SRGAP2C: variants seen among roughly 807,000 people sequenced by gnomAD.
SRGAP2C encodes SLIT-ROBO Rho GTPase-activating protein 2C.
A neutral mutation model predicts 25.1 loss-of-function variants in SRGAP2C; 15 were observed. The observed-to-expected ratio is 0.60, with a 90% CI of 0.40 to 0.92. SRGAP2C has a LOEUF of 0.92. SRGAP2C is among the 40% of genes least tolerant of loss of function. The probability of loss-of-function intolerance (pLI) is 0.00; values close to 1 mark genes in which losing one functional copy is unlikely to be tolerated. For missense variants in SRGAP2C, 144 were observed against 264.4 expected (o/e 0.54, Z 3.16); for synonymous variants, 44 against 96.6 (o/e 0.46, Z 3.19).
At chr1:121,329,572 A>T (rs1258254408) in intron 4 of SRGAP2C, among the ~76,000 whole-genome samples, 5 of 141,562 alleles carry the variant, frequency 3.5e-5, no homozygotes, top group Non-Finnish European at 6.1e-5. Context: ...TGCCCCCTGT[A>T]AGAGGGAAAC....
rs1164302475 is a variant in SRGAP2C, at chr1:121,282,779, C to T, written c.68-2024C>T. On this transcript the variant is annotated intron_variant, in intron 2 of 9. Coordinates refer to ENST00000367123, the MANE Select transcript of SRGAP2C (RefSeq NM_001329984.2). ...TTCACCATGTTAGCCAGGATGGTCT[C>T]GATCTTCTGACCTTGTGATCCGCCC... 1.6e-3 allele frequency among the ~76,000 whole-genome samples: 226 copies of T among 143,632 alleles called. 4 individuals are homozygous for T. Among genetic ancestry groups the T allele is most frequent in the Non-Finnish European group, 5.9e-4 (38 of 64,930 alleles). The allele number at this position is 143,632 out of a possible 152,430, so 94.2% of individuals were successfully genotyped here.
chr1:121,187,929 C>T (rs1295007492), intron 2 of SRGAP2C, among the ~76,000 whole-genome samples: 1 of 152,150 alleles, frequency 6.6e-6, no homozygotes, highest in South Asian at 2.1e-4. Flanking sequence ...GACAGAAAGG[C>T]AACCTTGGGA....
intron 2 of SRGAP2C, among the ~76,000 whole-genome samples, chr1:121,210,062 T>C (rs1322228445): frequency 2.6e-5 from 4 of 151,526 alleles, no homozygotes; most frequent in African/African-American, 7.3e-5. Context: ...TGTTGATAGT[T>C]TGGAGAACGA....
At chr1:121,202,104 T>G (rs1553321778) in intron 2 of SRGAP2C, among the ~76,000 whole-genome samples, 1 of 152,228 alleles carries the variant, frequency 6.6e-6, no homozygotes, top group Non-Finnish European at 1.5e-5. Flanking sequence ...CTTGTTCCAG[T>G]GACCCAATCT....
At chr1:121,380,846 TAGTA>T (rs1345362823) in intron 7 of SRGAP2C, among the ~76,000 whole-genome samples, 2 of 150,300 alleles carry the variant, frequency 1.3e-5, no homozygotes, top group African/African-American at 4.9e-5. Context: ...GGGGTAGAGG[TAGTA>T]AGAATGGAGA....
chr1:121,300,225 G>C (rs1296858158), intron 3 of SRGAP2C, among the ~76,000 whole-genome samples: 36 of 85,104 alleles, frequency 4.2e-4, no homozygotes, highest in African/African-American at 1.6e-3. Context: ...ACAGAAAAAA[G>C]GTTTGATTGG....
At chr1:121,314,391 G>T (rs1202788284) in intron 3 of SRGAP2C, among the ~76,000 whole-genome samples, 3 of 152,054 alleles carry the variant, frequency 2.0e-5, no homozygotes, top group African/African-American at 7.3e-5. Context: ...GTAGCTCAGA[G>T]TAATTTGATC....
At chr1:121,239,339 A>C (rs868955195) in intron 2 of SRGAP2C, among the ~76,000 whole-genome samples, 3 of 29,546 alleles carry the variant, frequency 1.0e-4, no homozygotes, top group South Asian at 1.9e-3. Context: ...GTGATAAGTA[A>C]TTTGAAAAAA....
At chr1:121,237,251 GAA>G (rs2101482657) in intron 2 of SRGAP2C, among the ~76,000 whole-genome samples, 2 of 143,270 alleles carry the variant, frequency 1.4e-5, no homozygotes, top group East Asian at 4.2e-4. Flanking sequence ...AGACAGTAGG[GAA>G]AAAGCTAGGA....
intron 2 of SRGAP2C, among the ~76,000 whole-genome samples, chr1:121,249,580 A>ATTTTTTTTT (rs1159053572): frequency 8.9e-5 from 2 of 22,366 alleles, no homozygotes; most frequent in African/African-American, 2.1e-4. Flanking sequence ...ATATATATAT[A>ATTTTTTTTT]TTTTTTTTTT....
rs1463457111 is a variant in SRGAP2C, at chr1:121,391,260, T to C, written c.*3405T>C. 1 of 151,734 alleles carries C rather than the reference T, an allele frequency of 6.6e-6. No homozygotes were observed. Among genetic ancestry groups the C allele is most frequent in the Non-Finnish European group, 1.5e-5 (1 of 67,954 alleles). 9.4% of individuals were successfully genotyped at this position (151,734 alleles called of 1,614,324 possible). A position where few individuals can be genotyped will look rare whatever the true frequency, so the allele number is the denominator to read the frequency against. ...CCTCATTCACGTACATGGGAGAGTCTACAAAGTCACACGTATTCATAGGTT... is the reference window on the plus strand; with the variant it reads ...CCTCATTCACGTACATGGGAGAGTCCACAAAGTCACACGTATTCATAGGTT... On this transcript the variant is annotated 3_prime_UTR_variant, in exon 10 of 10. Coordinates refer to ENST00000367123, the MANE Select transcript of SRGAP2C (RefSeq NM_001329984.2).
At chr1:121,258,017 G>C (rs1317686859) in intron 2 of SRGAP2C, among the ~76,000 whole-genome samples, 1 of 151,546 alleles carries the variant, frequency 6.6e-6, no homozygotes, top group Non-Finnish European at 1.5e-5. Context: ...GTGGAGTGAA[G>C]AAAATTGCCT....
rs1658483090 is a variant in SRGAP2C at position 121,335,130 on chromosome 1, TAA to T, written c.423+10494_423+10495del. On this transcript the variant is annotated intron_variant, in intron 4 of 9. Transcript: ENST00000367123. ...CAACATGGTGAAACCCCGTCTCTAC[TAA>T]AAATACAAAAATTAGCTGGGCATGG... Among the ~76,000 whole-genome samples, 4 of 149,992 alleles carry T rather than the reference TAA, an allele frequency of 2.7e-5. No individual in the cohort carries two copies. The South Asian group carries it at 8.5e-4, about 32-fold the overall frequency.
chr1:121,186,381 G>C (rs1180027384), intron 1 of SRGAP2C, among the ~76,000 whole-genome samples: 1 of 86,854 alleles, frequency 1.2e-5, no homozygotes, highest in Non-Finnish European at 2.4e-5. Context: ...CTGCAGATTT[G>C]CCCCCCCCAC....
intron 5 of SRGAP2C, among the ~76,000 whole-genome samples, chr1:121,368,681 C>A (rs1312452852): frequency 1.4e-5 from 2 of 143,032 alleles, no homozygotes; most frequent in Non-Finnish European, 3.0e-5. Context: ...AAGCTGCTTG[C>A]TGTATGCACA....
chr1:121,239,246 CTATA>C (rs1217800804), intron 2 of SRGAP2C, among the ~76,000 whole-genome samples: 9 of 738 alleles, frequency 0.012, 1 homozygote, highest in African/African-American at 0.02. Flanking sequence ...TATATATATA[CTATA>C]TATATATATA....
chr1:121,281,440 CTCT>C (rs1393830877), intron 2 of SRGAP2C, among the ~76,000 whole-genome samples: 4 of 141,280 alleles, frequency 2.8e-5, no homozygotes, highest in Admixed American at 7.4e-5. Flanking sequence ...CTTCCTCTTC[CTCT>C]TCTTCTTTTT....
chr1:121,195,305 G>T (rs1421390029), intron 2 of SRGAP2C, among the ~76,000 whole-genome samples: 1 of 151,764 alleles, frequency 6.6e-6, no homozygotes, highest in Non-Finnish European at 1.5e-5. Flanking sequence ...AGCTACTCAG[G>T]AGGCTGAGGG....
At chr1:121,304,086 A>G (rs1657764324) in intron 3 of SRGAP2C, among the ~76,000 whole-genome samples, 1 of 151,922 alleles carries the variant, frequency 6.6e-6, no homozygotes, top group South Asian at 2.1e-4. Context: ...TGGCAGGCAC[A>G]TGTGGTCCCA....
Sources: allele counts gnomAD v4.1 joint callset (sites outside exome capture counted in the v4.1 genomes callset), GRCh38; gene constraint gnomAD v4.1.1; transcripts MANE v1.5; gene names NCBI Gene and HGNC (gene_info 2026-07-23, HGNC 2026-07-21).